The following SGK1 variants were observed in gnomAD, a reference collection of about 807,000 sequenced individuals.
SGK1 encodes the protein serum/glucocorticoid regulated kinase 1.
SGK1 carries 26 observed loss-of-function variants against 64.2 expected under a neutral mutation model. The observed-to-expected ratio is 0.40, with a 90% CI of 0.30 to 0.56. The LOEUF is 0.56. Ranked by LOEUF, SGK1 falls within the 20% of genes least tolerant of loss-of-function variation. The pLI is 0.38. For synonymous variants in SGK1, 265 were observed against 239.7 expected (o/e 1.11, Z -0.98); for missense variants, 519 against 645.6 (o/e 0.80, Z 2.12).
chr6:134,228,907 G>C (rs183508406), intron 2 of SGK1, among the ~76,000 whole-genome samples: 1 of 149,838 alleles, frequency 6.7e-6, no homozygotes, highest in African/African-American at 2.5e-5. Context: ...GCAGTGGCGC[G>C]ATCTCCGTTC....
intron 1 of SGK1, among the ~76,000 whole-genome samples, chr6:134,301,531 TTCTTCTCTTCTCTTCTCTTC>T (rs56681881): frequency 0.016 from 2,175 of 139,114 alleles, 23 homozygotes; most frequent in African/African-American, 0.031. Context: ...CTTTTCTCTT[TTCTTCTCTTCTCTTCTCTTC>T]TCTTCTCTTC....
At chr6:134,175,991 C>T in intron 3 of SGK1, 1 of 1,079,816 alleles carries the variant, frequency 9.3e-7, no homozygotes, top group Non-Finnish European at 1.1e-6. Context: ...GTACAATCTG[C>T]ATTTCACTTT....
chr6:134,179,630 C>T (rs1775301929), intron 3 of SGK1, among the ~76,000 whole-genome samples: 1 of 151,072 alleles, frequency 6.6e-6, no homozygotes, highest in South Asian at 2.1e-4. Flanking sequence ...TAATTATTAC[C>T]TTCCATATTC....
At chr6:134,192,827 G>A (rs1775536709) in intron 3 of SGK1, among the ~76,000 whole-genome samples, 1 of 152,152 alleles carries the variant, frequency 6.6e-6, no homozygotes, top group Non-Finnish European at 1.5e-5. Context: ...CCAAAGTGCT[G>A]GGATTACAGG....
At chr6:134,307,688 A>G (rs932887169) in intron 1 of SGK1, among the ~76,000 whole-genome samples, 8 of 152,226 alleles carry the variant, frequency 5.3e-5, no homozygotes, top group Non-Finnish European at 1.0e-4. Flanking sequence ...TGTTCAGTAC[A>G]GATGAAACCA....
chr6:134,255,669 C>T (rs9493874), intron 2 of SGK1, among the ~76,000 whole-genome samples: 15,056 of 150,330 alleles, frequency 0.1, 983 homozygotes, highest in African/African-American at 0.18. Flanking sequence ...ACAACCTCCA[C>T]CACCTCCCAG....
chr6:134,299,883 C>A (rs1777419938), intron 1 of SGK1, among the ~76,000 whole-genome samples: 1 of 149,718 alleles, frequency 6.7e-6, no homozygotes. Context: ...CACCTATACT[C>A]AAGAAGGTCC....
intron 2 of SGK1, chr6:134,211,450 C>T: frequency 6.4e-6 from 1 of 156,098 alleles, no homozygotes; most frequent in South Asian, 2.0e-4. Context: ...GCATCAATAG[C>T]AGCTCTACAA....
chr6:134,215,187 C>G (rs1582716966), intron 2 of SGK1: 8 of 411,444 alleles, frequency 1.9e-5, no homozygotes, highest in South Asian at 1.4e-4. Flanking sequence ...CAGTGGCTGG[C>G]TGACTACAAC....
chr6:134,174,855 G>A (rs767198607), intron 3 of SGK1: 5 of 1,612,284 alleles, frequency 3.1e-6, no homozygotes, highest in Non-Finnish European at 3.4e-6. Flanking sequence ...AGACCGGCTC[G>A]GCGTATGCTG....
chr6:134,249,772 T>G (rs1305275787), intron 2 of SGK1, among the ~76,000 whole-genome samples: 1 of 152,224 alleles, frequency 6.6e-6, no homozygotes, highest in Non-Finnish European at 1.5e-5. Flanking sequence ...CCCTGTTACA[T>G]AGGTGGTCAC....
chr6:134,258,586 T>A (rs1776718464), intron 2 of SGK1, among the ~76,000 whole-genome samples: 3 of 152,098 alleles, frequency 2.0e-5, no homozygotes, highest in African/African-American at 7.2e-5. Flanking sequence ...GTGCCTGTAA[T>A]CCCAGCTACT....
chr6:134,237,632 C>A (rs1776385377), intron 2 of SGK1, among the ~76,000 whole-genome samples: 1 of 152,096 alleles, frequency 6.6e-6, no homozygotes, highest in Non-Finnish European at 1.5e-5. Flanking sequence ...GAGCCAAGAT[C>A]GTGCCACTGC....
At chr6:134,216,510 G>C (rs1385907727) in intron 2 of SGK1, among the ~76,000 whole-genome samples, 2 of 152,216 alleles carry the variant, frequency 1.3e-5, no homozygotes, top group Non-Finnish European at 2.9e-5. Flanking sequence ...TGAGATAAAA[G>C]AGTCTTCTTC....
At chr6:134,224,734 A>G (rs1193935162) in intron 2 of SGK1, among the ~76,000 whole-genome samples, 6 of 152,042 alleles carry the variant, frequency 3.9e-5, no homozygotes, top group African/African-American at 1.4e-4. Flanking sequence ...TAGAAATTTT[A>G]TAATATGGCC....
At chr6:134,302,074 T>C (rs1182715512) in intron 1 of SGK1, among the ~76,000 whole-genome samples, 3 of 152,228 alleles carry the variant, frequency 2.0e-5, no homozygotes, top group African/African-American at 7.2e-5. Context: ...CTAAAGATCA[T>C]TCAGAGTGTT....
intron 1 of SGK1, among the ~76,000 whole-genome samples, chr6:134,280,842 G>A (rs182860878): frequency 7.9e-5 from 12 of 152,226 alleles, no homozygotes; most frequent in African/African-American, 1.9e-4. Flanking sequence ...CAAGGCAGGC[G>A]GATCACTTTA....
intron 1 of SGK1, among the ~76,000 whole-genome samples, chr6:134,268,508 G>C (rs1340977755): frequency 6.6e-6 from 1 of 151,648 alleles, no homozygotes; most frequent in African/African-American, 2.4e-5. Context: ...GGATCACGAG[G>C]TCAGTAGATC....
intron 3 of SGK1, among the ~76,000 whole-genome samples, chr6:134,202,605 G>A (rs578165206): frequency 3.3e-5 from 5 of 151,928 alleles, no homozygotes; most frequent in Non-Finnish European, 7.4e-5. Flanking sequence ...CTGAGGTCTC[G>A]CCACTGCACT....
Sources: gnomAD v4.1 joint callset for allele counts (sites outside exome capture counted in the v4.1 genomes callset) on GRCh38, gnomAD v4.1.1 for gene constraint, MANE v1.5 for transcripts, NCBI Gene and HGNC (gene_info 2026-07-23, HGNC 2026-07-21) for gene names.